NTRK3: variants seen among roughly 807,000 people sequenced by gnomAD.
The protein encoded by NTRK3 is neurotrophic receptor tyrosine kinase 3.
Under a neutral mutation model 91.7 loss-of-function variants are expected in NTRK3, and 24 were observed. That is an observed-to-expected ratio of 0.26 (90% CI 0.19 to 0.37). The LOEUF is 0.37. Among genes scored for constraint, NTRK3 ranks in the 10% least tolerant of loss-of-function variants. The pLI, the probability that NTRK3 is intolerant of heterozygous loss-of-function variation, is 1.00. For synonymous variants in NTRK3, 483 were observed against 404.0 expected, an observed-to-expected ratio of 1.20 and a Z score of -2.34; for missense variants, 880 against 1,068.9, an observed-to-expected ratio of 0.82 and a Z score of 2.46.
intron 18 of NTRK3, among the ~76,000 whole-genome samples, chr15:87,877,758 T>A (rs776667215): frequency 6.6e-6 from 1 of 152,064 alleles, no homozygotes; most frequent in Admixed American, 6.6e-5. Flanking sequence ...AACTGCTTGA[T>A]TCACCACTGC....
At chr15:88,024,252 T>G (rs1383731096) in intron 14 of NTRK3, among the ~76,000 whole-genome samples, 1 of 152,228 alleles carries the variant, frequency 6.6e-6, no homozygotes, top group Non-Finnish European at 1.5e-5. Flanking sequence ...GCTTTGGTTA[T>G]CTGTGCAGAT....
chr15:88,073,853 G>T (rs1485292428), intron 13 of NTRK3, among the ~76,000 whole-genome samples: 1 of 152,064 alleles, frequency 6.6e-6, no homozygotes, highest in African/African-American at 2.4e-5. Context: ...GTTCATGGGG[G>T]AAGACTGAGA....
At chr15:88,187,737 C>T (rs1312035145) in intron 3 of NTRK3, among the ~76,000 whole-genome samples, 1 of 152,010 alleles carries the variant, frequency 6.6e-6, no homozygotes, top group Admixed American at 6.6e-5. Flanking sequence ...AGTTCGAGAC[C>T]AGCCTGGCCA....
chr15:87,960,193 G>C (rs1382540316), intron 14 of NTRK3, among the ~76,000 whole-genome samples: 1 of 152,190 alleles, frequency 6.6e-6, no homozygotes, highest in East Asian at 1.9e-4. Context: ...AAAGGGACCA[G>C]AGCACAAATC....
chr15:88,033,750 T>C (rs1325942453), intron 13 of NTRK3, among the ~76,000 whole-genome samples: 2 of 152,318 alleles, frequency 1.3e-5, no homozygotes, highest in African/African-American at 4.8e-5. Context: ...AAAATCAAGG[T>C]AAATTTAAAT....
Position 88,180,819 on chromosome 15 carries a change from A to G in NTRK3, c.395+2599T>C, listed in dbSNP as rs925801969. Reference sequence around the variant, plus strand: ...GGACAGAAATAGAAGATGTTGTGAGACAGCAAAGAAACCTGGCCCATTTGC... The same window carrying G: ...GGACAGAAATAGAAGATGTTGTGAGGCAGCAAAGAAACCTGGCCCATTTGC... On this transcript the variant is annotated intron_variant, in intron 5 of 18. Transcript: ENST00000394480. 3.9e-5 allele frequency among the ~76,000 whole-genome samples: 6 copies of G among 152,218 alleles called. No homozygotes were observed. The East Asian group carries it at 1.2e-3, about 29-fold the overall frequency.
intron 18 of NTRK3, among the ~76,000 whole-genome samples, chr15:87,878,435 C>T (rs1197974424): frequency 6.6e-6 from 1 of 152,182 alleles, no homozygotes; most frequent in Non-Finnish European, 1.5e-5. Context: ...TTTACGATGG[C>T]CCCTTGGCTC....
At chr15:88,144,936 C>T (rs1037261358) in intron 6 of NTRK3, among the ~76,000 whole-genome samples, 5 of 152,124 alleles carry the variant, frequency 3.3e-5, no homozygotes, top group African/African-American at 1.2e-4. Context: ...TGCTGCACAC[C>T]CTCTGCCCCT....
At chr15:88,169,983 T>C (rs2045354328) in intron 5 of NTRK3, among the ~76,000 whole-genome samples, 1 of 152,200 alleles carries the variant, frequency 6.6e-6, no homozygotes, top group Non-Finnish European at 1.5e-5. Flanking sequence ...TAAGCATCTC[T>C]ACACGCTGTC....
At chr15:88,053,936 T>C (rs377292820) in intron 13 of NTRK3, among the ~76,000 whole-genome samples, 63 of 152,320 alleles carry the variant, frequency 4.1e-4, no homozygotes, top group African/African-American at 1.5e-3. Flanking sequence ...AAGGTACTGA[T>C]TAATATGACA....
rs764492024 is a variant in NTRK3, at chr15:88,136,441, A to G, written c.765+26T>C. 9 of 1,613,952 alleles carry G rather than the reference A, an allele frequency of 5.6e-6. No individual in the cohort carries two copies. In the African/African-American group the frequency reaches 1.1e-4, roughly 19 times the overall value. ...AGTGTGATCACTCCCTAGCCTCCTGATGGGGCTGAAGCCCAGGATGCCTAC... is the reference window on the plus strand; with the variant it reads ...AGTGTGATCACTCCCTAGCCTCCTGGTGGGGCTGAAGCCCAGGATGCCTAC... On this transcript the variant is annotated intron_variant, in intron 8 of 18. Transcript: ENST00000394480.
chr15:87,947,653 G>A (rs62019200), intron 14 of NTRK3, among the ~76,000 whole-genome samples: 56,530 of 151,500 alleles, frequency 0.37, 10,753 homozygotes, highest in South Asian at 0.52. Flanking sequence ...GTGACTACAC[G>A]CAGGAGGGAG....
intron 5 of NTRK3, among the ~76,000 whole-genome samples, chr15:88,164,494 T>C (rs954021680): frequency 6.6e-6 from 1 of 152,216 alleles, no homozygotes; most frequent in Non-Finnish European, 1.5e-5. Flanking sequence ...ATTCATCTTA[T>C]TCTGTGTCTG....
chr15:88,077,524 A>C (rs2047657198), intron 13 of NTRK3, among the ~76,000 whole-genome samples: 1 of 152,002 alleles, frequency 6.6e-6, no homozygotes, highest in Non-Finnish European at 1.5e-5. Context: ...GAAACCCGGC[A>C]CTTTGGAGAA....
At chr15:88,110,437 G>A (rs982807201) in intron 13 of NTRK3, among the ~76,000 whole-genome samples, 1 of 152,156 alleles carries the variant, frequency 6.6e-6, no homozygotes, top group Non-Finnish European at 1.5e-5. Context: ...GTACCAAAAG[G>A]AAAGATCCCA....
chr15:87,894,090 C>A (rs1234476586), intron 17 of NTRK3, among the ~76,000 whole-genome samples: 1 of 152,162 alleles, frequency 6.6e-6, no homozygotes, highest in African/African-American at 2.4e-5. Flanking sequence ...CATGTCTATT[C>A]ACATAGAAAA....
chr15:88,150,161 G>GC (rs952909145), intron 5 of NTRK3, among the ~76,000 whole-genome samples: 77 of 152,290 alleles, frequency 5.1e-4, no homozygotes, highest in African/African-American at 1.6e-3. Flanking sequence ...AGGTACAAAA[G>GC]CAACTGGTGG....
intron 8 of NTRK3, 92 bp downstream of exon 8, chr15:88,136,375 T>C (rs946332835): frequency 6.3e-5 from 96 of 1,533,206 alleles, no homozygotes; most frequent in Middle Eastern, 3.6e-4. Flanking sequence ...TTTTTTCCTA[T>C]AGTAACAAGA....
At chr15:87,874,949 C>T (rs2064911106) in exon 19 of NTRK3, 1 of 232,822 alleles carries the variant, frequency 4.3e-6, no homozygotes, top group South Asian at 1.8e-4. Flanking sequence ...ACCTGCCTCC[C>T]CTCCCAGTCC....
Sources: gnomAD v4.1 joint callset for allele counts (sites outside exome capture counted in the v4.1 genomes callset) on GRCh38, gnomAD v4.1.1 for gene constraint, MANE v1.5 for transcripts, NCBI Gene and HGNC (gene_info 2026-07-23, HGNC 2026-07-21) for gene names.